The following FGFR1 variants were observed in gnomAD, a reference collection of about 807,000 sequenced individuals.
FGFR1 encodes the protein fibroblast growth factor receptor 1.
In FGFR1, 18 loss-of-function variants were observed where a neutral mutation model predicts 93.7. The ratio of observed to expected loss-of-function variants is 0.19; its 90% CI spans 0.13 to 0.28. The LOEUF (loss-of-function observed/expected upper bound fraction) is 0.28. Among genes scored for constraint, FGFR1 ranks in the 10% least tolerant of loss-of-function variants. The pLI, the probability that FGFR1 is intolerant of heterozygous loss-of-function variation, is 1.00. For missense variants in FGFR1, 731 were observed against 1,080.4 expected (o/e 0.68, Z 4.53); for synonymous variants, 448 against 429.3 (o/e 1.04, Z -0.54).
chr8:38,443,591 T>C (rs1828291539), intron 2 of FGFR1, among the ~76,000 whole-genome samples: 1 of 152,042 alleles, frequency 6.6e-6, no homozygotes, highest in Non-Finnish European at 1.5e-5. Context: ...GAGGATCTCT[T>C]GAGCCCGGGA....
rs2150674889 is a variant in FGFR1 at position 38,418,305 on chromosome 8, G to A, written c.1353C>T (p.Ser451=). The A allele has an allele frequency of 6.2e-7, 1 of 1,614,188 alleles. No homozygotes were observed. The highest frequency in any genetic ancestry group is 8.5e-7 in the Non-Finnish European group (1 of 1,180,038). The change falls in exon 10 of 18, where the codon TCC becomes TCT. Residue 451 remains serine (S), a synonymous_variant. Transcript: ENST00000447712. The part of the protein sequence containing the change: ...VLLVRPSRLS[S]SGTPMLAGVS... Reference sequence around the variant, plus strand: ...CCCCTGCTAGCATGGGAGTCCCACTGGAGGAGAGCCGTGATGGCCGAACCA... The same window carrying A: ...CCCCTGCTAGCATGGGAGTCCCACTAGAGGAGAGCCGTGATGGCCGAACCA...
chr8:38,431,687 G>GA (rs1823214652), intron 2 of FGFR1, among the ~76,000 whole-genome samples: 1 of 152,134 alleles, frequency 6.6e-6, no homozygotes, highest in South Asian at 2.1e-4. Flanking sequence ...GTCCTGCATT[G>GA]ACCCATGGGC....
rs1459527519 is a variant in FGFR1 at position 38,426,473 on chromosome 8, G to A, written c.622-228C>T. On this transcript the variant is annotated intron_variant, in intron 5 of 17. Coordinates refer to ENST00000447712, the MANE Select transcript of FGFR1 (RefSeq NM_023110.3). This position sits in a 1 kb window ranked among gnomAD's most constrained non-coding sequence, Gnocchi z 4.1. ...AGACTCCAGAAGTCTCCACTGTGAC[G>A]TTCAAGATCATTCGTGATCCGGACA... Among the ~76,000 whole-genome samples, 1 of 152,192 alleles carries A rather than the reference G, an allele frequency of 6.6e-6. No homozygotes were observed.
In FGFR1 at chr8:38,429,547, T is replaced by G; in HGVS notation, c.358+135A>C. 1 of 1,011,104 alleles carries G rather than the reference T, an allele frequency of 9.9e-7. No homozygotes were observed. Among genetic ancestry groups the G allele is most frequent in the Non-Finnish European group, 1.5e-6 (1 of 678,102 alleles). 62.6% of individuals were successfully genotyped at this position (1,011,104 alleles called of 1,614,324 possible). ...CCACGCGGCAGGCAGGGAGCAATGT[T>G]AGTGGGCAGCAGTTTCTGAAGCAGA... On this transcript the variant is annotated intron_variant, in intron 3 of 17. Coordinates refer to ENST00000447712, the MANE Select transcript of FGFR1 (RefSeq NM_023110.3). This position sits in a 1 kb window ranked among gnomAD's most constrained non-coding sequence, Gnocchi z 4.4.
In FGFR1 at chr8:38,414,230, C is replaced by G. The variant is rs1366165565; in HGVS notation, c.2108G>C (p.Gly703Ala). 3 of 1,614,186 alleles carry G rather than the reference C, an allele frequency of 1.9e-6. No individual in the cohort carries two copies. Among genetic ancestry groups the G allele is most frequent in the Non-Finnish European group, 2.5e-6 (3 of 1,180,030 alleles). Reference sequence around the variant, plus strand: ...CTTGAAAAGTTCCTCCACAGGCACACCGGGGTATGGGGAGCCGCCCAGAGT... The same window carrying G: ...CTTGAAAAGTTCCTCCACAGGCACAGCGGGGTATGGGGAGCCGCCCAGAGT... ...IFTLGGSPYP[G>A]VPVEELFKLL... Residue 703 changes from glycine (G) to alanine (A), a missense_variant, in exon 16 of 18, where the codon GGT becomes GCT. Coordinates refer to ENST00000447712, the MANE Select transcript of FGFR1 (RefSeq NM_023110.3).
chr8:38,422,283 T>G, intron 7 of FGFR1: 1 of 460,152 alleles, frequency 2.2e-6, no homozygotes, highest in Non-Finnish European at 4.0e-6. Flanking sequence ...CAGGTAAAGA[T>G]AGCCAGAAGG....
At chr8:38,465,293 C>T (rs1835261382) in intron 1 of FGFR1, 1 of 232,356 alleles carries the variant, frequency 4.3e-6, no homozygotes, top group South Asian at 1.8e-4. Flanking sequence ...GCCTGAATTC[C>T]CATTGGGAAA....
At chr8:38,463,701 G>A (rs1834914609) in intron 1 of FGFR1, among the ~76,000 whole-genome samples, 1 of 152,204 alleles carries the variant, frequency 6.6e-6, no homozygotes, top group Non-Finnish European at 1.5e-5. Flanking sequence ...CAATTAGGTA[G>A]TACCCCTTGT....
intron 2 of FGFR1, among the ~76,000 whole-genome samples, chr8:38,432,410 ATTT>A (rs34918365): frequency 2.9e-5 from 4 of 135,910 alleles, no homozygotes; most frequent in African/African-American, 8.2e-5. Context: ...CTCGGGATAA[ATTT>A]TTTTTTTTTT....
chr8:38,450,785 G>A (rs916021536), intron 2 of FGFR1, among the ~76,000 whole-genome samples: 10 of 152,202 alleles, frequency 6.6e-5, no homozygotes, highest in Non-Finnish European at 1.5e-4. Context: ...TTCAGGGAGC[G>A]GGCCTGGCAG....
Position 38,468,365 on chromosome 8 carries a change from G to C in FGFR1, c.-473C>G, listed in dbSNP as rs1436007238. On this transcript the variant is annotated 5_prime_UTR_variant, in exon 1 of 18. Transcript: ENST00000447712. ...TGCCCGACTGCAGCACGGGTACCGT[G>C]CGCCCTGCGGGGCGCCCCGAGCTCG... 4.4e-6 allele frequency: 1 copy of C among 228,238 alleles called. No individual in the cohort carries two copies. Among genetic ancestry groups the C allele is most frequent in the Non-Finnish European group, 8.7e-6 (1 of 114,696 alleles). 14.1% of individuals were successfully genotyped at this position (228,238 alleles called of 1,614,324 possible). A position where few individuals can be genotyped will look rare whatever the true frequency, so the allele number is the denominator to read the frequency against.
At chr8:38,431,848 T>C (rs1016981027) in intron 2 of FGFR1, among the ~76,000 whole-genome samples, 19 of 152,340 alleles carry the variant, frequency 1.2e-4, no homozygotes, top group African/African-American at 4.6e-4. Flanking sequence ...AATAAGCTTT[T>C]GTGGGCCTTA....
intron 2 of FGFR1, among the ~76,000 whole-genome samples, chr8:38,443,828 C>G (rs930122051): frequency 6.6e-6 from 1 of 151,618 alleles, no homozygotes; most frequent in Non-Finnish European, 1.5e-5. Flanking sequence ...CTGAGGTGGG[C>G]GGATCACATG....
At chr8:38,461,649 C>T (rs1436755457) in intron 1 of FGFR1, among the ~76,000 whole-genome samples, 1 of 152,130 alleles carries the variant, frequency 6.6e-6, no homozygotes, top group African/African-American at 2.4e-5. Context: ...AGTATGAATT[C>T]ACACCCTTCC....
chr8:38,447,043 T>C (rs1829512264), intron 2 of FGFR1, among the ~76,000 whole-genome samples: 1 of 151,692 alleles, frequency 6.6e-6, no homozygotes, highest in African/African-American at 2.4e-5. Context: ...TTCACAGACC[T>C]GTGACTGATG....
At position 38,413,740 on chromosome 8, in the gene FGFR1, G is replaced by A. The variant is rs775161322; in HGVS notation, c.2357C>T (p.Ser786Phe). ...GGAATCCTCCCCTGAGGAGCACGTAGAGCTCCGGGTGTCGGGAAAGCTGGG... is the reference window on the plus strand; with the variant it reads ...GGAATCCTCCCCTGAGGAGCACGTAAAGCTCCGGGTGTCGGGAAAGCTGGG... The part of the protein sequence containing the change: ...YSPSFPDTRS[S>F]TCSSGEDSVF... Residue 786 changes from serine (S) to phenylalanine (F), a missense_variant, in exon 18 of 18, where the codon TCT becomes TTT. This residue lies in a region of FGFR1 where 79 missense variants were observed against 97.2 expected (regional missense o/e 0.81). Transcript: ENST00000447712. This position sits in a 1 kb window ranked among gnomAD's most constrained non-coding sequence, Gnocchi z 4.2. 1 of 1,614,150 alleles carries A rather than the reference G, an allele frequency of 6.2e-7. No individual in the cohort carries two copies. Among genetic ancestry groups the A allele is most frequent in the Non-Finnish European group, 8.5e-7 (1 of 1,180,030 alleles).
chr8:38,441,024 A>G (rs1827254335), intron 2 of FGFR1, among the ~76,000 whole-genome samples: 2 of 152,114 alleles, frequency 1.3e-5, no homozygotes, highest in Non-Finnish European at 2.9e-5. Context: ...AGCCGCCTGC[A>G]CTAGCCAAAG....
intron 2 of FGFR1, among the ~76,000 whole-genome samples, chr8:38,448,042 A>C (rs1829902365): frequency 6.6e-6 from 1 of 152,216 alleles, no homozygotes; most frequent in Non-Finnish European, 1.5e-5. Flanking sequence ...ATAATGAAAA[A>C]CATTCTCTGT....
At chr8:38,440,490 G>A (rs938738370) in intron 2 of FGFR1, 16 of 749,704 alleles carry the variant, frequency 2.1e-5, no homozygotes, top group African/African-American at 3.6e-5. Flanking sequence ...AAAGAGAGCC[G>A]GGAGCACCAA....
Sources: allele counts gnomAD v4.1 joint callset (sites outside exome capture counted in the v4.1 genomes callset), GRCh38; gene constraint gnomAD v4.1.1; regional missense constraint gnomAD v4.1.1; non-coding constraint Gnocchi (gnomAD v3.1); transcripts MANE v1.5; gene names NCBI Gene and HGNC (gene_info 2026-07-23, HGNC 2026-07-21).